PIGS: variants seen among roughly 807,000 people sequenced by gnomAD.
PIGS encodes GPI-anchor transamidase component PIGS.
In PIGS, 37 loss-of-function variants were observed where a neutral mutation model predicts 58.2. The ratio of observed to expected loss-of-function variants is 0.64; its 90% CI spans 0.49 to 0.84. The LOEUF (loss-of-function observed/expected upper bound fraction) is 0.84. PIGS is among the 40% of genes least tolerant of loss of function. The pLI is 0.00. For missense variants in PIGS, 629 were observed against 710.8 expected, an observed-to-expected ratio of 0.88 and a Z score of 1.31; for synonymous variants, 269 against 289.2, an observed-to-expected ratio of 0.93 and a Z score of 0.71.
At chr17:28,569,551 C>A (rs1244264797) in intron 3 of PIGS, among the ~76,000 whole-genome samples, 1 of 152,080 alleles carries the variant, frequency 6.6e-6, no homozygotes, top group African/African-American at 2.4e-5. Context: ...ACACAGATGC[C>A]TCATGCTCTA....
chr17:28,565,001 C>T (rs1294477647), intron 3 of PIGS, among the ~76,000 whole-genome samples: 2 of 152,142 alleles, frequency 1.3e-5, no homozygotes, highest in Non-Finnish European at 2.9e-5. Context: ...CAGTATTGTT[C>T]TTTCTAAAGT....
At chr17:28,571,236 C>T in intron 1 of PIGS, 48 bp from the exon 2 acceptor site, 2 of 1,586,718 alleles carry the variant, frequency 1.3e-6, no homozygotes, top group South Asian at 1.1e-5. Context: ...GGCTAGGGTA[C>T]CGGCCCCATC....
At chr17:28,560,505 G>A (rs1424229107) in intron 6 of PIGS, among the ~76,000 whole-genome samples, 2 of 152,024 alleles carry the variant, frequency 1.3e-5, no homozygotes, top group Non-Finnish European at 2.9e-5. Context: ...TCGGCCGGGT[G>A]TGGTGGCTCA....
chr17:28,563,520 C>T lies in PIGS; in HGVS notation c.379G>A (p.Ala127Thr), dbSNP rs2070377310. 1.2e-6 allele frequency: 2 copies of T among 1,613,702 alleles called. No individual in the cohort carries two copies. The highest frequency in any genetic ancestry group is 1.7e-4 in the Middle Eastern group (1 of 5,874). Residue 127 changes from alanine to threonine, a missense_variant and splice_region_variant, in exon 5 of 12, where the codon GCA becomes ACA. Transcript: ENST00000308360. ...TGAGGCTCATCTAACATGGCTTCTG[C>T]CTCTGGGGGCAAGAACAGGTGGTAC... ...EALSSGSVQE[A>T]EAMLDEPQEQ... is the part of the protein sequence containing the mutation.
chr17:28,561,238 C>T (rs1365889924), intron 6 of PIGS, among the ~76,000 whole-genome samples, 184 bp downstream of exon 6: 1 of 151,878 alleles, frequency 6.6e-6, no homozygotes, highest in African/African-American at 2.4e-5. Flanking sequence ...GCCCAGGCAA[C>T]AGAGTGAGAC....
At chr17:28,571,245 T>A (rs1248825563) in intron 1 of PIGS, 57 bp from the exon 2 acceptor site, 8 of 1,577,734 alleles carry the variant, frequency 5.1e-6, no homozygotes, top group African/African-American at 1.4e-5. Flanking sequence ...ACCGGCCCCA[T>A]CCCCGACGCG....
rs2070318375 is a variant in PIGS at position 28,555,076 on chromosome 17, G to A, written c.1182-15C>T. On this transcript the variant is annotated splice_polypyrimidine_tract_variant and intron_variant, in intron 10 of 11. Transcript: ENST00000308360. Reference sequence around the variant, plus strand: ...CAAAGAGCAACCTGTAGGAACATCGGAGTAAGATCAAGGTGGCTGAGACCA... The same window carrying A: ...CAAAGAGCAACCTGTAGGAACATCGAAGTAAGATCAAGGTGGCTGAGACCA... The A allele has an allele frequency of 6.2e-7, 1 of 1,603,898 alleles. No individual in the cohort carries two copies. Among genetic ancestry groups the A allele is most frequent in the Non-Finnish European group, 8.5e-7 (1 of 1,173,624 alleles).
At position 28,571,206 on chromosome 17, in the gene PIGS, C is replaced by A. The variant is rs2070426649; in HGVS notation, c.35-18G>T. On this transcript the variant is annotated intron_variant, in intron 1 of 11. Coordinates refer to ENST00000308360, the MANE Select transcript of PIGS (RefSeq NM_033198.4). ...GGCCACCTCTGAGGGCATGGGGAAC[C>A]GACTGAGGCGCTGGAAACGGGCTAG... 1.2e-6 allele frequency: 2 copies of A among 1,608,432 alleles called. No homozygotes were observed. Among genetic ancestry groups the A allele is most frequent in the Non-Finnish European group, 1.7e-6 (2 of 1,176,926 alleles).
rs911519607 is a variant in PIGS at position 28,554,367 on chromosome 17, G to A, written c.1521C>T (p.Leu507=). ...SSELAFFDPS[L]LHLLYFPDDQ... ...CATCAGGGAAATAAAGGAGGTGGAG[G>A]AGTGACGGGTCAAAGAAGGCAAGCT... The change falls in exon 12 of 12, where the codon CTC becomes CTT. Residue 507 remains leucine, a synonymous_variant. Transcript: ENST00000308360. The A allele has an allele frequency of 4.3e-6, 7 of 1,614,084 alleles. No homozygotes were observed. The highest frequency in any genetic ancestry group is 5.1e-6 in the Non-Finnish European group (6 of 1,180,050).
chr17:28,554,709 G>T, intron 11 of PIGS, 142 bp downstream of exon 11: 2 of 1,249,150 alleles, frequency 1.6e-6, no homozygotes, highest in Non-Finnish European at 1.1e-6. Context: ...GGCTGGTACT[G>T]CCGTCTAGAG....
chr17:28,569,390 G>C (rs1055608313), intron 3 of PIGS, among the ~76,000 whole-genome samples: 1 of 149,904 alleles, frequency 6.7e-6, no homozygotes, highest in African/African-American at 2.5e-5. Context: ...TGGGAGGATC[G>C]CTTGAGCCCA....
intron 3 of PIGS, among the ~76,000 whole-genome samples, chr17:28,569,084 C>T (rs372150612): frequency 2.3e-3 from 297 of 127,666 alleles, no homozygotes; most frequent in African/African-American, 8.8e-3. Flanking sequence ...GCAACAAGAG[C>T]GAAACTCCAT....
At chr17:28,560,765 G>A (rs2070358888) in intron 6 of PIGS, among the ~76,000 whole-genome samples, 1 of 151,130 alleles carries the variant, frequency 6.6e-6, no homozygotes, top group Admixed American at 6.6e-5. Context: ...ACGACAGGAG[G>A]CTCCGTCTCA....
rs760859666 is a variant in PIGS, at chr17:28,556,819, A to C, written c.1080+8T>G. ...TGGGCTCTGGGGTCTGCGTAGTGTG[A>C]CTATTACCATAATGCCACCCCAGCG... On this transcript the variant is annotated splice_region_variant and intron_variant, in intron 9 of 11. Transcript: ENST00000308360. 1.5e-5 allele frequency: 24 copies of C among 1,612,992 alleles called. No individual in the cohort carries two copies. The highest frequency in any genetic ancestry group is 1.9e-5 in the Non-Finnish European group (23 of 1,179,618).
chr17:28,565,962 C>T (rs947355097), intron 3 of PIGS, among the ~76,000 whole-genome samples: 4 of 152,064 alleles, frequency 2.6e-5, no homozygotes, highest in Admixed American at 6.6e-5. Context: ...ACCCGGGAGG[C>T]GGACGATGCA....
chr17:28,566,123 C>A (rs1180845547), intron 3 of PIGS, among the ~76,000 whole-genome samples: 1 of 150,222 alleles, frequency 6.7e-6, no homozygotes, highest in Non-Finnish European at 1.5e-5. Flanking sequence ...TACTTGGGAG[C>A]TTGAGAGCTT....
chr17:28,570,759 A>T (rs1344528238), intron 3 of PIGS, 93 bp downstream of exon 3: 4 of 1,224,976 alleles, frequency 3.3e-6, no homozygotes, highest in Non-Finnish European at 4.8e-6. Flanking sequence ...TAAGTTTTTA[A>T]CTGCGTTTAT....
chr17:28,563,996 G>A (rs2070380750), intron 3 of PIGS, 89 bp from the exon 4 acceptor site: 2 of 1,141,468 alleles, frequency 1.8e-6, no homozygotes, highest in African/African-American at 3.1e-5. Flanking sequence ...AGCATCTGAG[G>A]ACAGCAAGAT....
chr17:28,556,361 G>T, intron 9 of PIGS, 95 bp from the exon 10 acceptor site: 1 of 969,698 alleles, frequency 1.0e-6, no homozygotes, highest in Non-Finnish European at 1.7e-6. Context: ...CATATTCTGT[G>T]CTCTTTAGAA....
Sources: gnomAD v4.1 joint callset for allele counts (sites outside exome capture counted in the v4.1 genomes callset) on GRCh38, gnomAD v4.1.1 for gene constraint, MANE v1.5 for transcripts, NCBI Gene and HGNC (gene_info 2026-07-23, HGNC 2026-07-21) for gene names.